CCDC13: variants seen among roughly 807,000 people sequenced by gnomAD.
CCDC13 encodes the protein coiled-coil domain containing 13.
A neutral mutation model predicts 87.3 loss-of-function variants in CCDC13; 70 were observed. The observed-to-expected ratio is 0.80, with a 90% CI of 0.66 to 0.98. The LOEUF is 0.98. CCDC13 is among the 50% of genes least tolerant of loss of function. The probability of loss-of-function intolerance (pLI) is 0.00; values close to 1 mark genes in which losing one functional copy is unlikely to be tolerated. For missense variants in CCDC13, 842 were observed against 892.0 expected (o/e 0.94, Z 0.71); for synonymous variants, 317 against 360.3 (o/e 0.88, Z 1.36).
intron 13 of CCDC13, among the ~76,000 whole-genome samples, chr3:42,728,197 G>A (rs564399358): frequency 2.0e-5 from 3 of 152,230 alleles, no homozygotes; most frequent in Non-Finnish European, 2.9e-5. Flanking sequence ...ACTTGAGCTT[G>A]GCTCGCCCTT....
chr3:42,727,141 G>A (rs1698708996), intron 13 of CCDC13, among the ~76,000 whole-genome samples: 1 of 152,198 alleles, frequency 6.6e-6, no homozygotes, highest in Non-Finnish European at 1.5e-5. Context: ...GGAGGCTGAG[G>A]CAGGCAGATC....
At chr3:42,711,227 CAG>C (rs1698302163) in intron 14 of CCDC13, among the ~76,000 whole-genome samples, 1 of 119,238 alleles carries the variant, frequency 8.4e-6, no homozygotes, top group African/African-American at 3.5e-5. Flanking sequence ...GCCTGAGGGA[CAG>C]AGTGAGACTC....
intron 1 of CCDC13, among the ~76,000 whole-genome samples, chr3:42,763,503 CTTTTTTTTTTTT>C (rs765712843): frequency 7.7e-6 from 1 of 130,030 alleles, no homozygotes; most frequent in Non-Finnish European, 1.7e-5. Context: ...AAGAGATGTA[CTTTTTTTTTTTT>C]TTTTTTTTAG....
In CCDC13 at chr3:42,707,291, T is replaced by C. The variant is rs1308280661; in HGVS notation, c.*1689A>G. Among the ~76,000 whole-genome samples the C allele has an allele frequency of 1.3e-5, 2 of 152,194 alleles. No individual in the cohort carries two copies. Among genetic ancestry groups the C allele is most frequent in the African/African-American group, 2.4e-5 (1 of 41,446 alleles). ...GCACAGACCCTCTCTCTCCTGGCTC[T>C]CTGCCTGGCCGTTTTCCTTCACAAG... On this transcript the variant is annotated 3_prime_UTR_variant, in exon 16 of 16. Coordinates refer to ENST00000310232, the MANE Select transcript of CCDC13 (RefSeq NM_144719.4).
At position 42,752,694 on chromosome 3, in the gene CCDC13, C is replaced by T. The variant is rs530423995; in HGVS notation, c.394G>A (p.Val132Met). The change falls in exon 4 of 16, where the codon GTG becomes ATG. Residue 132 changes from valine to methionine, a missense_variant. Coordinates refer to ENST00000310232, the MANE Select transcript of CCDC13 (RefSeq NM_144719.4). ...FTGTAGVAGD[V>M]VATKIVELSK... ...AGCTCCACAATTTTGGTGGCGACCACGTCTCCGGCTACACCGGCTGTCCCT... is the reference window on the plus strand; with the variant it reads ...AGCTCCACAATTTTGGTGGCGACCATGTCTCCGGCTACACCGGCTGTCCCT... 16 of 1,614,012 alleles carry T rather than the reference C, an allele frequency of 9.9e-6. No homozygotes were observed. The highest frequency in any genetic ancestry group is 2.7e-5 in the African/African-American group (2 of 74,928).
intron 1 of CCDC13, among the ~76,000 whole-genome samples, chr3:42,771,767 G>A (rs1268958499): frequency 6.6e-6 from 1 of 151,684 alleles, no homozygotes; most frequent in African/African-American, 2.4e-5. Flanking sequence ...TACAGCAGCA[G>A]CAACAACAAC....
chr3:42,748,104 T>G (rs1699468798), intron 5 of CCDC13, among the ~76,000 whole-genome samples: 1 of 152,212 alleles, frequency 6.6e-6, no homozygotes, highest in Non-Finnish European at 1.5e-5. Context: ...AATGTTTTAT[T>G]TAAACTATCT....
Position 42,709,099 on chromosome 3 carries a change from C to A in CCDC13, c.2029G>T (p.Ala677Ser), listed in dbSNP as rs1472012981. Residue 677 changes from alanine to serine, a missense_variant, in exon 16 of 16, where the codon GCC (alanine) becomes TCC (serine). Coordinates refer to ENST00000310232, the MANE Select transcript of CCDC13 (RefSeq NM_144719.4). ...QVEENEMLKA[A>S]LGSALRGKEE... Reference sequence around the variant, plus strand: ...TTTCCCCGCAGGGCACTGCCCAGGGCAGCCTTTAGCATTTCATTCTCCTCC... The same window carrying A: ...TTTCCCCGCAGGGCACTGCCCAGGGAAGCCTTTAGCATTTCATTCTCCTCC... The A allele has an allele frequency of 6.2e-7, 1 of 1,613,414 alleles. No individual in the cohort carries two copies. The highest frequency in any genetic ancestry group is 1.1e-5 in the South Asian group (1 of 90,994).
rs1698347575 is a variant in CCDC13 at position 42,713,018 on chromosome 3, T to A, written c.1873+144A>T. On this transcript the variant is annotated intron_variant, in intron 14 of 15. Coordinates refer to ENST00000310232, the MANE Select transcript of CCDC13 (RefSeq NM_144719.4). Reference sequence around the variant, plus strand: ...GCCTGGGGAAAAGAACACCCCACAGTGGAGGCAGGCAGAGCTCCACCCTGA... The same window carrying A: ...GCCTGGGGAAAAGAACACCCCACAGAGGAGGCAGGCAGAGCTCCACCCTGA... 3.3e-6 allele frequency: 3 copies of A among 907,052 alleles called. No homozygotes were observed. The East Asian group carries it at 8.3e-5, about 25-fold the overall frequency. The allele number at this position is 907,052 out of a possible 1,614,324, so 56.2% of individuals were successfully genotyped here. A position where few individuals can be genotyped will look rare whatever the true frequency, so the allele number is the denominator to read the frequency against.
chr3:42,717,209 A>T (rs6808227), intron 13 of CCDC13, among the ~76,000 whole-genome samples: 9,960 of 151,996 alleles, frequency 0.066, 1,042 homozygotes, highest in African/African-American at 0.22. Flanking sequence ...GTGGATCACC[A>T]GAGGTCAGGA....
chr3:42,708,666 A>T lies in CCDC13; in HGVS notation c.*314T>A, dbSNP rs1698231559. On this transcript the variant is annotated 3_prime_UTR_variant, in exon 16 of 16. Coordinates refer to ENST00000310232, the MANE Select transcript of CCDC13 (RefSeq NM_144719.4). ...GATGAGGGCGATGAACACCTGCCCG[A>T]GGGACTGCATCTGTCCATTCACAGC... 1 of 264,332 alleles carries T rather than the reference A, an allele frequency of 3.8e-6. No individual in the cohort carries two copies. The highest frequency in any genetic ancestry group is 7.1e-6 in the Non-Finnish European group (1 of 141,568). 16.4% of individuals were successfully genotyped at this position (264,332 alleles called of 1,614,324 possible).
chr3:42,730,599 G>T lies in CCDC13; in HGVS notation c.1596-10C>A. On this transcript the variant is annotated splice_polypyrimidine_tract_variant and intron_variant, in intron 12 of 15. Transcript: ENST00000310232. ...TGGGGAGTCCGAGAACCTGGGACCAGGGTGGAGGGCAGAGGGCAGAGGTCA... is the reference window on the plus strand; with the variant it reads ...TGGGGAGTCCGAGAACCTGGGACCATGGTGGAGGGCAGAGGGCAGAGGTCA... 2.5e-6 allele frequency: 4 copies of T among 1,613,746 alleles called. No homozygotes were observed. In the South Asian group the frequency reaches 4.4e-5, roughly 18 times the overall value.
intron 1 of CCDC13, among the ~76,000 whole-genome samples, chr3:42,770,021 C>T (rs985146760): frequency 4.6e-5 from 7 of 152,268 alleles, no homozygotes; most frequent in Non-Finnish European, 8.8e-5. Flanking sequence ...GCACCTGGTC[C>T]CATCAAAAGC....
Position 42,739,700 on chromosome 3 carries a change from G to A in CCDC13, c.1098C>T (p.Leu366=). 6.2e-7 allele frequency: 1 copy of A among 1,614,198 alleles called. No homozygotes were observed. Among genetic ancestry groups the A allele is most frequent in the Non-Finnish European group, 8.5e-7 (1 of 1,180,020 alleles). The part of the protein sequence containing the change: ...NKLLSSEMKT[L]KSQMGTLVEK... ...CCACCAGGGTTCCCATCTGACTCTT[G>A]AGGGTCTTCATCTCACTTGACAGCA... is the stretch of plus-strand genomic sequence containing the variant. Residue 366 remains leucine (L), a synonymous_variant, in exon 9 of 16, where the codon CTC becomes CTT. Coordinates refer to ENST00000310232, the MANE Select transcript of CCDC13 (RefSeq NM_144719.4).
At chr3:42,740,992 CCA>C (rs1201265493) in intron 8 of CCDC13, 1 of 152,228 alleles carries the variant, frequency 6.6e-6, no homozygotes, top group Non-Finnish European at 1.5e-5. Context: ...TGGGTGCCTG[CCA>C]GAGGGAATGC....
intron 8 of CCDC13, 35 bp downstream of exon 8, chr3:42,742,861 C>T (rs772932135): frequency 6.2e-7 from 1 of 1,611,380 alleles, no homozygotes; most frequent in South Asian, 1.1e-5. Flanking sequence ...CTCTCGTTCC[C>T]ACATGCCCAG....
At position 42,762,798 on chromosome 3, in the gene CCDC13, G is replaced by A. The variant is rs114833264; in HGVS notation, c.-6-4447C>T. Among the ~76,000 whole-genome samples the A allele has an allele frequency of 8.6e-3, 1,308 of 152,112 alleles. 5 individuals are homozygous for A. Among genetic ancestry groups the A allele is most frequent in the Non-Finnish European group, 0.014 (985 of 67,968 alleles). Reference sequence around the variant, plus strand: ...CTATATCCTTTGTTAAAAGATAAACGTTAGGCCAGGCATGATGGCTCACAC... The same window carrying A: ...CTATATCCTTTGTTAAAAGATAAACATTAGGCCAGGCATGATGGCTCACAC... On this transcript the variant is annotated intron_variant, in intron 1 of 15. Coordinates refer to ENST00000310232, the MANE Select transcript of CCDC13 (RefSeq NM_144719.4).
intron 1 of CCDC13, among the ~76,000 whole-genome samples, chr3:42,767,274 G>A (rs1457557020): frequency 6.6e-6 from 1 of 152,010 alleles, no homozygotes; most frequent in Non-Finnish European, 1.5e-5. Flanking sequence ...CCACATACTA[G>A]CAATAAGCAA....
rs946906827 is a variant in CCDC13 at position 42,743,132 on chromosome 3, C to G, written c.826-75G>C. ...TTCTACTCAGAAGTGTGATAGGAGACCCCACAGACTGAAGATGGAACCACC... is the reference window on the plus strand; with the variant it reads ...TTCTACTCAGAAGTGTGATAGGAGAGCCCACAGACTGAAGATGGAACCACC... On this transcript the variant is annotated intron_variant, in intron 7 of 15. Transcript: ENST00000310232. 5.2e-6 allele frequency: 8 copies of G among 1,544,820 alleles called. No individual in the cohort carries two copies. The African/African-American group carries it at 6.8e-5, about 13-fold the overall frequency.
Sources: allele counts gnomAD v4.1 joint callset (sites outside exome capture counted in the v4.1 genomes callset), GRCh38; gene constraint gnomAD v4.1.1; transcripts MANE v1.5; gene names NCBI Gene and HGNC (gene_info 2026-07-23, HGNC 2026-07-21).